The following CNTNAP2 variants were observed in gnomAD, a reference collection of about 807,000 sequenced individuals.
The protein encoded by CNTNAP2 is contactin-associated protein-like 2.
CNTNAP2 carries 98 observed loss-of-function variants against 155.2 expected under a neutral mutation model. The ratio of observed to expected loss-of-function variants is 0.63; its 90% CI spans 0.54 to 0.75. The LOEUF (loss-of-function observed/expected upper bound fraction) is 0.75, where lower values mean the gene tolerates loss of function less well. CNTNAP2 is among the 30% of genes least tolerant of loss of function. CNTNAP2 has a pLI of 0.00. For missense variants in CNTNAP2, 1,727 were observed against 1,688.1 expected (o/e 1.02, Z -0.40); for synonymous variants, 651 against 631.2 (o/e 1.03, Z -0.47).
chr7:148,388,966 CTGCTCAG>C (rs929694745), intron 22 of CNTNAP2, among the ~76,000 whole-genome samples: 1 of 152,156 alleles, frequency 6.6e-6, no homozygotes, highest in African/African-American at 2.4e-5. Context: ...CCCAGTTAGG[CTGCTCAG>C]GGGTCAGGGG....
At chr7:146,970,397 A>G (rs1450930907) in intron 3 of CNTNAP2, among the ~76,000 whole-genome samples, 3 of 152,232 alleles carry the variant, frequency 2.0e-5, no homozygotes, top group African/African-American at 7.2e-5. Context: ...AAAAGTGGGC[A>G]AAGGACATGA....
At chr7:147,638,741 C>T in intron 12 of CNTNAP2, 1 of 403,724 alleles carries the variant, frequency 2.5e-6, no homozygotes, top group East Asian at 6.8e-5. Flanking sequence ...AATCCTGTTC[C>T]ACCAGAGGAA....
At chr7:147,818,873 C>A (rs945027072) in intron 13 of CNTNAP2, among the ~76,000 whole-genome samples, 4 of 152,146 alleles carry the variant, frequency 2.6e-5, no homozygotes, top group African/African-American at 9.7e-5. Flanking sequence ...ATAGTTCTTA[C>A]TTCAGAGACA....
intron 2 of CNTNAP2, among the ~76,000 whole-genome samples, chr7:146,781,141 T>G (rs1390892233): frequency 6.7e-6 from 1 of 148,410 alleles, no homozygotes; most frequent in Admixed American, 6.8e-5. Flanking sequence ...GACAGGAGAA[T>G]GGCCTGAACC....
chr7:146,223,923 AATG>A (rs1011089053), intron 1 of CNTNAP2, among the ~76,000 whole-genome samples: 4 of 152,228 alleles, frequency 2.6e-5, no homozygotes, highest in African/African-American at 9.6e-5. Context: ...GCTTGTGGGT[AATG>A]ATGATGATAA....
At chr7:146,254,206 T>C (rs1799803350) in intron 1 of CNTNAP2, among the ~76,000 whole-genome samples, 1 of 152,080 alleles carries the variant, frequency 6.6e-6, no homozygotes, top group South Asian at 2.1e-4. Context: ...ACACATATTC[T>C]GATAGCAGAA....
At chr7:147,928,156 C>G (rs1003729271) in intron 14 of CNTNAP2, among the ~76,000 whole-genome samples, 1 of 152,094 alleles carries the variant, frequency 6.6e-6, no homozygotes, top group East Asian at 1.9e-4. Context: ...CACCTTCCAC[C>G]GTGATTGTGA....
chr7:148,013,937 G>GTACAGGTTTT (rs987701099), intron 15 of CNTNAP2: 3 of 152,030 alleles, frequency 2.0e-5, no homozygotes, highest in African/African-American at 7.2e-5. Context: ...ATATAATTTG[G>GTACAGGTTTT]TACAAGGAAA....
intron 8 of CNTNAP2, among the ~76,000 whole-genome samples, chr7:147,171,983 A>T (rs1010063070): frequency 1.3e-5 from 2 of 152,198 alleles, no homozygotes; most frequent in Non-Finnish European, 2.9e-5. Flanking sequence ...CAGAATTTTC[A>T]AGATACTATG....
In CNTNAP2 at chr7:147,256,461, C is replaced by T. The variant is rs147176377; in HGVS notation, c.1349-43680C>T. 4.1e-4 allele frequency among the ~76,000 whole-genome samples: 62 copies of T among 152,090 alleles called. No homozygotes were observed. In the East Asian group the frequency reaches 9.9e-3, roughly 24 times the overall value. The stretch of plus-strand genomic sequence containing the variant: ...TAAAAATGGCATGATAAGCAATATG[C>T]GGGTGTTAAATGTAGGAGCAGTATG... On this transcript the variant is annotated intron_variant, in intron 8 of 23. Transcript: ENST00000361727.
At chr7:148,220,835 C>A (rs1455889548) in intron 19 of CNTNAP2, among the ~76,000 whole-genome samples, 1 of 152,124 alleles carries the variant, frequency 6.6e-6, no homozygotes, top group Non-Finnish European at 1.5e-5. Context: ...TTTATTTCTC[C>A]TGGATCAGGG....
At chr7:147,859,098 A>G (rs1376332553) in intron 13 of CNTNAP2, among the ~76,000 whole-genome samples, 1 of 152,174 alleles carries the variant, frequency 6.6e-6, no homozygotes, top group African/African-American at 2.4e-5. Flanking sequence ...CTGGGTTTGC[A>G]TTATCCTTAT....
chr7:146,136,471 C>G (rs760987887), intron 1 of CNTNAP2, among the ~76,000 whole-genome samples: 1 of 152,022 alleles, frequency 6.6e-6, no homozygotes, highest in Admixed American at 6.6e-5. Context: ...TGGTTGAGGT[C>G]GGGAAGTCAG....
At position 147,775,267 on chromosome 7, in the gene CNTNAP2, T is replaced by TTATA. The variant is rs1157979534; in HGVS notation, c.2099-128290_2099-128287dup. Among the ~76,000 whole-genome samples, 42 of 73,720 alleles carry TTATA rather than the reference T, an allele frequency of 5.7e-4. No individual in the cohort carries two copies. The South Asian group carries it at 0.016, about 27-fold the overall frequency. The allele number at this position is 73,720 out of a possible 152,430, so 48.4% of individuals were successfully genotyped here. A position where few individuals can be genotyped will look rare whatever the true frequency, so the allele number is the denominator to read the frequency against. On this transcript the variant is annotated intron_variant, in intron 13 of 23. Coordinates refer to ENST00000361727, the MANE Select transcript of CNTNAP2 (RefSeq NM_014141.6). The stretch of plus-strand genomic sequence containing the variant: ...TTTATATATATATTTATAAATATAT[T>TTATA]TATATATATATTTATAAATATATAT...
chr7:147,159,962 A>T (rs1370364808), intron 8 of CNTNAP2, among the ~76,000 whole-genome samples: 1 of 151,834 alleles, frequency 6.6e-6, no homozygotes, highest in African/African-American at 2.4e-5. Flanking sequence ...AAAAGTTGCA[A>T]AACAGAAGTG....
intron 18 of CNTNAP2, among the ~76,000 whole-genome samples, chr7:148,179,486 A>C (rs1308842112): frequency 6.6e-6 from 1 of 151,348 alleles, no homozygotes; most frequent in East Asian, 2.0e-4. Flanking sequence ...TAGCCTGGGC[A>C]ACAGAGCAAG....
chr7:146,893,901 T>C (rs994373618), intron 3 of CNTNAP2, among the ~76,000 whole-genome samples: 2 of 152,190 alleles, frequency 1.3e-5, no homozygotes, highest in African/African-American at 4.8e-5. Context: ...ATCCTGCCTC[T>C]TGTGGAAGAT....
intron 1 of CNTNAP2, among the ~76,000 whole-genome samples, chr7:146,478,131 C>T (rs57102254): frequency 0.032 from 4,854 of 152,022 alleles, 251 homozygotes; most frequent in African/African-American, 0.11. Context: ...TCTGAGTTTG[C>T]GGCTTTTCTT....
At chr7:147,803,734 A>G (rs944261148) in intron 13 of CNTNAP2, among the ~76,000 whole-genome samples, 24 of 152,174 alleles carry the variant, frequency 1.6e-4, no homozygotes, top group African/African-American at 5.6e-4. Flanking sequence ...CTGGGGGCCA[A>G]TTACTGCCAT....
Sources: gnomAD v4.1 joint callset for allele counts (sites outside exome capture counted in the v4.1 genomes callset) on GRCh38, gnomAD v4.1.1 for gene constraint, MANE v1.5 for transcripts, NCBI Gene and HGNC (gene_info 2026-07-23, HGNC 2026-07-21) for gene names.